The following RAPGEF1 variants were observed in gnomAD, a reference collection of about 807,000 sequenced individuals.
The protein encoded by RAPGEF1 is CRK SH3-binding GNRP.
RAPGEF1 carries 33 observed loss-of-function variants against 143.3 expected under a neutral mutation model. The observed-to-expected ratio is 0.23, with a 90% confidence interval of 0.17 to 0.31. The LOEUF is 0.31. Among genes scored for constraint, RAPGEF1 ranks in the 10% least tolerant of loss-of-function variants. The pLI, the probability that RAPGEF1 is intolerant of heterozygous loss-of-function variation, is 1.00. For synonymous variants in RAPGEF1, 629 were observed against 676.5 expected (o/e 0.93, Z 1.09); for missense variants, 1,199 against 1,645.4 (o/e 0.73, Z 4.69).
In RAPGEF1 at chr9:131,626,059, G is replaced by A. The variant is rs761600285; in HGVS notation, c.1565C>T (p.Ala522Val). 115 of 1,613,692 alleles carry A rather than the reference G, an allele frequency of 7.1e-5. No homozygotes were observed. The highest frequency in any genetic ancestry group is 1.8e-4 in the South Asian group (16 of 91,086). The stretch of plus-strand genomic sequence containing the variant: ...AAAGGGCAGAATAGCAGCAAAGGGC[G>A]CGTAGGGGACGGATGGGATCGGGGC... ...STAPIPSVPY[A>V]PFAAILPFQH... Residue 522 changes from alanine to valine, a missense_variant, in exon 10 of 27, where the codon GCG becomes GTG. Around this residue, in one of 6 missense-constraint regions of RAPGEF1, gnomAD observed 613 missense variants for 710.9 expected, o/e 0.86. Transcript: ENST00000683357.
intron 4 of RAPGEF1, among the ~76,000 whole-genome samples, chr9:131,642,091 A>G (rs566889991): frequency 2.3e-4 from 35 of 152,346 alleles, no homozygotes; most frequent in African/African-American, 7.7e-4. Flanking sequence ...GCCTCTTAAG[A>G]AAAAGCTCCT....
At chr9:131,630,793 G>T (rs1422401140) in intron 5 of RAPGEF1, among the ~76,000 whole-genome samples, 1 of 152,120 alleles carries the variant, frequency 6.6e-6, no homozygotes, top group Non-Finnish European at 1.5e-5. Flanking sequence ...GGTGAGGGCT[G>T]GCTGGGATCC....
chr9:131,617,281 G>C (rs1350723541), intron 12 of RAPGEF1, among the ~76,000 whole-genome samples: 2 of 152,226 alleles, frequency 1.3e-5, no homozygotes, highest in African/African-American at 4.8e-5. Context: ...TGCCAGAGGT[G>C]CCTCTGAGGA....
intron 5 of RAPGEF1, 91 bp from the exon 6 acceptor site, chr9:131,630,415 C>A (rs550610685): frequency 4.0e-5 from 50 of 1,250,364 alleles, no homozygotes; most frequent in Non-Finnish European, 5.5e-5. Flanking sequence ...TCCTCTGCTG[C>A]TGAGTCTCAT....
chr9:131,615,116 A>C (rs1305912088), intron 12 of RAPGEF1, among the ~76,000 whole-genome samples: 2 of 152,268 alleles, frequency 1.3e-5, no homozygotes, highest in African/African-American at 4.8e-5. Flanking sequence ...TCTGTTGCCC[A>C]GGCTGGAGCG....
intron 21 of RAPGEF1, 40 bp from the exon 22 acceptor site, chr9:131,587,870 C>T (rs2132224080): frequency 6.2e-7 from 1 of 1,604,460 alleles, no homozygotes; most frequent in Non-Finnish European, 8.5e-7. Flanking sequence ...GGAGCCCCGG[C>T]TTTCCCCTGA....
chr9:131,726,851 T>A (rs1464507054), intron 1 of RAPGEF1, among the ~76,000 whole-genome samples: 2 of 151,972 alleles, frequency 1.3e-5, no homozygotes, highest in Non-Finnish European at 2.9e-5. Flanking sequence ...AAAATTTTTT[T>A]AAATGAAAAG....
chr9:131,737,630 G>C (rs1448068367), intron 1 of RAPGEF1: 1 of 1,430,382 alleles, frequency 7.0e-7, no homozygotes, highest in Non-Finnish European at 9.2e-7. Flanking sequence ...ATTCCCAGCG[G>C]TTTGGGCAGC....
chr9:131,582,110 GC>G (rs1951950848), intron 25 of RAPGEF1, among the ~76,000 whole-genome samples: 1 of 152,074 alleles, frequency 6.6e-6, no homozygotes, highest in South Asian at 2.1e-4. Flanking sequence ...ATTTCCTCTC[GC>G]CCATGGTCCA....
intron 12 of RAPGEF1, among the ~76,000 whole-genome samples, chr9:131,614,205 C>T (rs188073319): frequency 6.4e-4 from 98 of 152,330 alleles, no homozygotes; most frequent in African/African-American, 2.3e-3. Flanking sequence ...GGGTTCTGCC[C>T]ACAGATGCTC....
At chr9:131,676,717 A>G (rs947638016) in intron 1 of RAPGEF1, among the ~76,000 whole-genome samples, 3 of 152,230 alleles carry the variant, frequency 2.0e-5, no homozygotes, top group African/African-American at 7.2e-5. Context: ...GAGAGGACAA[A>G]CCTGGCCTTC....
chr9:131,730,555 C>T (rs144642234), intron 1 of RAPGEF1, among the ~76,000 whole-genome samples: 11,147 of 151,302 alleles, frequency 0.074, 616 homozygotes, highest in East Asian at 0.26. Context: ...ATTAGCCGGG[C>T]GTGGTGGCGG....
In RAPGEF1 at chr9:131,638,661, T is replaced by C. The variant is rs756146215; in HGVS notation, c.625A>G (p.Ile209Val). The C allele has an allele frequency of 6.8e-6, 11 of 1,613,938 alleles. No individual in the cohort carries two copies. In the South Asian group the frequency reaches 8.8e-5, roughly 13 times the overall value. Residue 209 changes from isoleucine to valine, a missense_variant, in exon 5 of 27, where the codon ATC becomes GTC. Transcript: ENST00000683357. ...TTCACTCCATCCAGCACAGCCTTGATGACCCCCTTCACAGTCGTCACCATC... is the reference window on the plus strand; with the variant it reads ...TTCACTCCATCCAGCACAGCCTTGACGACCCCCTTCACAGTCGTCACCATC... ...KEMVTTVKGVIKAVLDGVKEL... is the reference protein window; with the variant it reads ...KEMVTTVKGVVKAVLDGVKEL...
chr9:131,589,863 G>C, intron 19 of RAPGEF1, 23 bp downstream of exon 19: 1 of 1,604,924 alleles, frequency 6.2e-7, no homozygotes, highest in South Asian at 1.1e-5. Flanking sequence ...TGGCCCCCAG[G>C]ACCCCAAGGG....
At chr9:131,709,208 G>A (rs1426741280) in intron 1 of RAPGEF1, among the ~76,000 whole-genome samples, 3 of 152,184 alleles carry the variant, frequency 2.0e-5, no homozygotes, top group East Asian at 1.9e-4. Context: ...TCAGCTGGGC[G>A]TGGTGGCGGG....
chr9:131,668,886 G>C (rs939266441), intron 1 of RAPGEF1, among the ~76,000 whole-genome samples: 1 of 152,238 alleles, frequency 6.6e-6, no homozygotes, highest in African/African-American at 2.4e-5. Context: ...TTGTCTTTTA[G>C]GTGGAGTTGT....
At chr9:131,591,648 G>A (rs1283077911) in intron 18 of RAPGEF1, among the ~76,000 whole-genome samples, 1 of 152,198 alleles carries the variant, frequency 6.6e-6, no homozygotes, top group Non-Finnish European at 1.5e-5. Context: ...GCTGACCCCT[G>A]AGCTGTCTAT....
At chr9:131,581,537 CAAAAAAAAAAA>C (rs201580375) in intron 25 of RAPGEF1, among the ~76,000 whole-genome samples, 1 of 145,868 alleles carries the variant, frequency 6.9e-6, no homozygotes, top group Admixed American at 6.8e-5. Context: ...AAAAAAAATA[CAAAAAAAAAAA>C]ATTAGCCAGG....
chr9:131,705,767 C>T (rs1387663281), intron 1 of RAPGEF1, among the ~76,000 whole-genome samples: 2 of 152,150 alleles, frequency 1.3e-5, no homozygotes, highest in African/African-American at 4.8e-5. Flanking sequence ...CCCACACTGT[C>T]TCAAATCACT....
Sources: gnomAD v4.1 joint callset for allele counts (sites outside exome capture counted in the v4.1 genomes callset) on GRCh38, gnomAD v4.1.1 for gene constraint, gnomAD v4.1.1 regional missense constraint, MANE v1.5 for transcripts, NCBI Gene and HGNC (gene_info 2026-07-23, HGNC 2026-07-21) for gene names.